NMI: variants seen among roughly 807,000 people sequenced by gnomAD.
The protein encoded by NMI is N-myc-interactor.
Under a neutral mutation model 34.3 loss-of-function variants are expected in NMI, and 39 were observed. That is an observed-to-expected ratio of 1.14 (90% CI 0.88 to 1.49). The LOEUF is 1.49. Among genes scored for constraint, NMI ranks in the 40% most tolerant of loss-of-function variants. The pLI is 0.00. For missense variants in NMI, 339 were observed against 358.1 expected, an observed-to-expected ratio of 0.95 and a Z score of 0.43; for synonymous variants, 113 against 120.3, an observed-to-expected ratio of 0.94 and a Z score of 0.40.
chr2:151,280,947 A>G lies in NMI; in HGVS notation c.177+1001T>C, dbSNP rs576668683. Among the ~76,000 whole-genome samples, 4 of 152,066 alleles carry G rather than the reference A, an allele frequency of 2.6e-5. No individual in the cohort carries two copies. The South Asian group carries it at 8.3e-4, about 32-fold the overall frequency. On this transcript the variant is annotated intron_variant, in intron 3 of 7. Transcript: ENST00000243346. ...GACCTCCGCCTCCCAGGTTCAAGCA[A>G]TTCTCTGCCTCAGCCTCCCAAGTAG... is the stretch of plus-strand genomic sequence containing the variant.
rs370933733 is a variant in NMI at position 151,275,468 on chromosome 2, C to T, written c.634+16G>A. 2 of 1,609,762 alleles carry T rather than the reference C, an allele frequency of 1.2e-6. No individual in the cohort carries two copies. The highest frequency in any genetic ancestry group is 1.9e-4 in the Middle Eastern group (1 of 5,172). ...AAATGGCAGAGTGTCTGTTAACCTTCTACACCCTTGAGTACCTCCAATCTC... is the reference window on the plus strand; with the variant it reads ...AAATGGCAGAGTGTCTGTTAACCTTTTACACCCTTGAGTACCTCCAATCTC... On this transcript the variant is annotated intron_variant, in intron 6 of 7. Transcript: ENST00000243346.
rs373867316 is a variant in NMI at position 151,283,015 on chromosome 2, GAAAT to G, written c.-6-65_-6-62del. The G allele has an allele frequency of 1.7e-5, 14 of 821,390 alleles. 1 individual carries two copies. In the South Asian group the frequency reaches 3.4e-4, roughly 20 times the overall value. The allele number at this position is 821,390 out of a possible 1,614,324, so 50.9% of individuals were successfully genotyped here. A position where few individuals can be genotyped will look rare whatever the true frequency, so the allele number is the denominator to read the frequency against. ...ATATATACACAAATTTAAGAACAAAGAAATAAGAACTTTTACCCTTTTATGGAAG... is the reference window on the plus strand; with the variant it reads ...ATATATACACAAATTTAAGAACAAAGAAGAACTTTTACCCTTTTATGGAAG... On this transcript the variant is annotated intron_variant, in intron 1 of 7. Coordinates refer to ENST00000243346, the MANE Select transcript of NMI (RefSeq NM_004688.3).
At chr2:151,283,777 T>C (rs1382549354) in intron 1 of NMI, among the ~76,000 whole-genome samples, 1 of 152,208 alleles carries the variant, frequency 6.6e-6, no homozygotes, top group Non-Finnish European at 1.5e-5. Flanking sequence ...GAAGAAATTA[T>C]ATGTTTATTT....
chr2:151,286,193 A>G (rs1159085405), intron 1 of NMI, among the ~76,000 whole-genome samples: 1 of 152,254 alleles, frequency 6.6e-6, no homozygotes, highest in Non-Finnish European at 1.5e-5. Context: ...ACATATTACA[A>G]GGTGCACTGA....
intron 6 of NMI, among the ~76,000 whole-genome samples, chr2:151,275,198 G>T (rs1683269318): frequency 1.3e-5 from 2 of 151,872 alleles, no homozygotes; most frequent in African/African-American, 4.8e-5. Context: ...GGACAGGCTG[G>T]TCTTGAACTC....
intron 4 of NMI, chr2:151,278,163 T>G (rs1683323320): frequency 6.6e-6 from 1 of 152,254 alleles, no homozygotes; most frequent in East Asian, 1.9e-4. Context: ...GAAGCACCTG[T>G]ATAAAACCCT....
chr2:151,283,229 C>T (rs1177102308), intron 1 of NMI, among the ~76,000 whole-genome samples: 3 of 152,048 alleles, frequency 2.0e-5, no homozygotes, highest in African/African-American at 7.3e-5. Context: ...CAACCTCTGC[C>T]TCCCAGGTTC....
chr2:151,276,204 C>A (rs185408890), intron 4 of NMI, among the ~76,000 whole-genome samples: 1 of 152,170 alleles, frequency 6.6e-6, no homozygotes, highest in East Asian at 1.9e-4. Flanking sequence ...AGGTGCATGC[C>A]ACCACGCCTA....
At position 151,276,835 on chromosome 2, in the gene NMI, A is replaced by G. The variant is rs6724871; in HGVS notation, c.341-971T>C. Reference sequence around the variant, plus strand: ...CCACTTTTGCAAAAATGCTCTTGAAATCATTCTTTAAAAAGTTGATAGTCC... The same window carrying G: ...CCACTTTTGCAAAAATGCTCTTGAAGTCATTCTTTAAAAAGTTGATAGTCC... On this transcript the variant is annotated intron_variant, in intron 4 of 7. Coordinates refer to ENST00000243346, the MANE Select transcript of NMI (RefSeq NM_004688.3). Among the ~76,000 whole-genome samples, 590 of 152,342 alleles carry G rather than the reference A, an allele frequency of 3.9e-3. 4 individuals carry two copies. Among genetic ancestry groups the G allele is most frequent in the African/African-American group, 0.014 (564 of 41,584 alleles).
At chr2:151,289,272 AAAAAGAG>A (rs1357974822) in intron 1 of NMI, among the ~76,000 whole-genome samples, 1 of 147,912 alleles carries the variant, frequency 6.8e-6, no homozygotes, top group African/African-American at 2.5e-5. Flanking sequence ...AAAAAAAAAA[AAAAAGAG>A]AGAAAACAGC....
intron 1 of NMI, among the ~76,000 whole-genome samples, chr2:151,288,293 G>A (rs2105214372): frequency 6.6e-6 from 1 of 152,346 alleles, no homozygotes; most frequent in East Asian, 1.9e-4. Context: ...GTGTAATCAT[G>A]AGGCTACTTA....
chr2:151,281,959 T>C lies in NMI; in HGVS notation c.166A>G (p.Lys56Glu). ...KLETELQEAT[K>E]EFQIKEDIPE... ...AATTAAGAGAGTACCTGGAATTCTT[T>C]GGTAGCCTCTTGTAACTCCGTTTCA... Residue 56 changes from lysine (K) to glutamate (E), a missense_variant, in exon 3 of 8, where the codon AAA becomes GAA. Transcript: ENST00000243346. 6.6e-7 allele frequency: 1 copy of C among 1,519,028 alleles called. No individual in the cohort carries two copies. The highest frequency in any genetic ancestry group is 1.7e-4 in the Middle Eastern group (1 of 5,872). 94.1% of individuals were successfully genotyped at this position (1,519,028 alleles called of 1,614,324 possible). A position where few individuals can be genotyped will look rare whatever the true frequency, so the allele number is the denominator to read the frequency against.
At position 151,274,913 on chromosome 2, in the gene NMI, C is replaced by T. The variant is rs147739778; in HGVS notation, c.634+571G>A. 4.5e-4 allele frequency among the ~76,000 whole-genome samples: 69 copies of T among 152,072 alleles called. 1 individual carries two copies. The highest frequency in any genetic ancestry group is 1.6e-3 in the African/African-American group (67 of 41,472). On this transcript the variant is annotated intron_variant, in intron 6 of 7. Coordinates refer to ENST00000243346, the MANE Select transcript of NMI (RefSeq NM_004688.3). Reference sequence around the variant, plus strand: ...TTTTGTTTTTTGAGACAGGGTCTCACTCTGTCTCCCAGGCTGTAGTGCAGT... The same window carrying T: ...TTTTGTTTTTTGAGACAGGGTCTCATTCTGTCTCCCAGGCTGTAGTGCAGT...
chr2:151,276,859 C>A (rs1355809086), intron 4 of NMI, among the ~76,000 whole-genome samples: 1 of 152,116 alleles, frequency 6.6e-6, no homozygotes. Context: ...AGTTGATAGT[C>A]CTGCTATATT....
chr2:151,285,445 A>G (rs923115236), intron 1 of NMI, among the ~76,000 whole-genome samples: 4 of 152,066 alleles, frequency 2.6e-5, no homozygotes, highest in African/African-American at 9.7e-5. Flanking sequence ...GTGATTACCC[A>G]GGCATGGTGG....
chr2:151,289,420 G>A lies in NMI; in HGVS notation c.-7+173C>T, dbSNP rs1204612259. 2.6e-5 allele frequency among the ~76,000 whole-genome samples: 4 copies of A among 152,310 alleles called. No homozygotes were observed. In the East Asian group the frequency reaches 7.7e-4, roughly 29 times the overall value. On this transcript the variant is annotated intron_variant, in intron 1 of 7. Transcript: ENST00000243346. ...GAGCAGGTGCGCCCCCTCGAAGGCGGCGTGGCCTCCGCGACTCGGCTGCGG... is the reference window on the plus strand; with the variant it reads ...GAGCAGGTGCGCCCCCTCGAAGGCGACGTGGCCTCCGCGACTCGGCTGCGG...
rs1683338584 is a variant in NMI at position 151,278,968 on chromosome 2, GT to G, written c.199del (p.Thr67GlnfsTer3). 1 of 1,607,138 alleles carries G rather than the reference GT, an allele frequency of 6.2e-7. No individual in the cohort carries two copies. Among genetic ancestry groups the G allele is most frequent in the East Asian group, 2.2e-5 (1 of 44,752 alleles). On this transcript the variant is annotated frameshift_variant, in exon 4 of 8. Coordinates refer to ENST00000243346, the MANE Select transcript of NMI (RefSeq NM_004688.3). LOFTEE classifies it high-confidence loss of function. ...EFQIKEDIPETKMKFLSVETP... is the reference protein window; with the variant it reads ...EFQIKEDIPEXKMKFLSVETP... ...TTCAACTGATAAGAATTTCATCTTT[GT>G]TTCAGGAATATCCTCTTTAATCTAA...
At position 151,282,024 on chromosome 2, in the gene NMI, G is replaced by C. The variant is rs1406318181; in HGVS notation, c.101C>G (p.Thr34Arg). 1 of 1,487,554 alleles carries C rather than the reference G, an allele frequency of 6.7e-7. No homozygotes were observed. The highest frequency in any genetic ancestry group is 1.4e-5 in the African/African-American group (1 of 71,840). 92.1% of individuals were successfully genotyped at this position (1,487,554 alleles called of 1,614,324 possible). A position where few individuals can be genotyped will look rare whatever the true frequency, so the allele number is the denominator to read the frequency against. ...EQNKGLIDEI[T>R]KKNIQLKKEI... The stretch of plus-strand genomic sequence containing the variant: ...CTTCTTTAGTTGAATATTTTTCTTT[G>C]TAATTTCATCAATTAGTCCCTTAAA... The change falls in exon 3 of 8, where the codon ACA becomes AGA. Residue 34 changes from threonine (T) to arginine (R), a missense_variant. Transcript: ENST00000243346.
chr2:151,284,669 C>T (rs891363132), intron 1 of NMI, among the ~76,000 whole-genome samples: 1 of 151,936 alleles, frequency 6.6e-6, no homozygotes, highest in East Asian at 1.9e-4. Flanking sequence ...CCATGGTACA[C>T]AAAATTTAAG....
Sources: allele counts gnomAD v4.1 joint callset (sites outside exome capture counted in the v4.1 genomes callset), GRCh38; gene constraint gnomAD v4.1.1; transcripts MANE v1.5; gene names NCBI Gene and HGNC (gene_info 2026-07-23, HGNC 2026-07-21).